The following COL28A1 variants were observed in gnomAD, a reference collection of about 807,000 sequenced individuals.
COL28A1 encodes collagen type XXVIII alpha 1 chain.
COL28A1 carries 161 observed loss-of-function variants against 150.2 expected under a neutral mutation model. That is an observed-to-expected ratio of 1.07 (90% CI 0.94 to 1.22). The LOEUF is 1.22. Among genes scored for constraint, COL28A1 ranks in the 50% most tolerant of loss-of-function variants. The pLI is 0.00. For missense variants in COL28A1, 1,617 were observed against 1,388.3 expected (o/e 1.16, Z -2.62); for synonymous variants, 552 against 469.7 (o/e 1.18, Z -2.26).
intron 23 of COL28A1, among the ~76,000 whole-genome samples, chr7:7,434,788 T>G (rs758016954): frequency 2.6e-5 from 4 of 152,220 alleles, no homozygotes; most frequent in Non-Finnish European, 5.9e-5. Context: ...TAGATGGAAT[T>G]TTGCCACTTG....
chr7:7,472,423 G>C (rs916395912), intron 15 of COL28A1, among the ~76,000 whole-genome samples: 13 of 150,486 alleles, frequency 8.6e-5, no homozygotes, highest in African/African-American at 2.9e-4. Flanking sequence ...TTTTACAATA[G>C]CTGCAAAAAA....
At chr7:7,397,802 A>C (rs1028414098) in intron 27 of COL28A1, among the ~76,000 whole-genome samples, 11 of 152,206 alleles carry the variant, frequency 7.2e-5, no homozygotes, top group African/African-American at 2.7e-4. Flanking sequence ...CAAATTGGGC[A>C]TAAGAGTGAG....
In COL28A1 at chr7:7,444,455, G is replaced by C. The variant is rs79817423; in HGVS notation, c.1544C>G (p.Pro515Arg). 2 of 1,613,918 alleles carry C rather than the reference G, an allele frequency of 1.2e-6. No homozygotes were observed. The highest frequency in any genetic ancestry group is 1.7e-6 in the Non-Finnish European group (2 of 1,179,958). Residue 515 changes from proline to arginine, a missense_variant, in exon 19 of 35, where the codon CCA becomes CGA. Pro to Arg is a moderately radical substitution (Grantham distance 103). Transcript: ENST00000399429. ...AGCTCCATCTTCTCCTGGTACTCCT[G>C]GTTGTCCTGGGAGCCCTATTGAGCC... ...EPGSIGLPGQ[P>R]GVPGEDGAAG...
intron 13 of COL28A1, among the ~76,000 whole-genome samples, chr7:7,479,723 CTAGGA>C (rs1034404371): frequency 6.6e-6 from 1 of 152,110 alleles, no homozygotes; most frequent in Admixed American, 6.5e-5. Context: ...CAAAAAGCCA[CTAGGA>C]AAGATGACTT....
At chr7:7,532,940 C>T in intron 1 of COL28A1, 28 bp from the exon 2 acceptor site, 1 of 1,471,988 alleles carries the variant, frequency 6.8e-7, no homozygotes, top group Non-Finnish European at 9.0e-7. Context: ...GTTACAAATA[C>T]TTTAATAAAA....
intron 27 of COL28A1, among the ~76,000 whole-genome samples, chr7:7,404,045 G>C (rs1195012487): frequency 6.6e-6 from 1 of 152,122 alleles, no homozygotes; most frequent in Non-Finnish European, 1.5e-5. Context: ...CAGCCCAAGA[G>C]TCACAGTCAT....
the COL28A1 span, among the ~76,000 whole-genome samples, chr7:7,341,376 CTCAT>C: frequency 1.3e-5 from 2 of 151,896 alleles, no homozygotes; most frequent in Admixed American, 6.6e-5. Flanking sequence ...CTTTTATCAT[CTCAT>C]TATTTTCTTT....
intron 25 of COL28A1, among the ~76,000 whole-genome samples, chr7:7,420,859 G>C (rs1784357540): frequency 1.3e-5 from 2 of 149,416 alleles, no homozygotes; most frequent in Non-Finnish European, 2.9e-5. Context: ...CAGCTATTAA[G>C]GTGCAGGGCT....
At chr7:7,457,244 G>C (rs1787241358) in intron 15 of COL28A1, among the ~76,000 whole-genome samples, 1 of 152,178 alleles carries the variant, frequency 6.6e-6, no homozygotes, top group African/African-American at 2.4e-5. Context: ...GCCCCATCTG[G>C]AAGCTGTATG....
intron 13 of COL28A1, among the ~76,000 whole-genome samples, chr7:7,481,670 C>T (rs553482478): frequency 2.0e-5 from 3 of 152,218 alleles, no homozygotes; most frequent in East Asian, 1.9e-4. Flanking sequence ...GAGACATTAA[C>T]GATGAGATGA....
Position 7,444,588 on chromosome 7 carries a change from G to A in COL28A1, c.1510-99C>T, listed in dbSNP as rs187739215. On this transcript the variant is annotated intron_variant, in intron 18 of 34. Transcript: ENST00000399429. ...CTTACAGTGTCTGAGAAAAGCCTCC[G>A]AGAAATCTCATTAGCAATTAATACT... 131 of 1,174,156 alleles carry A rather than the reference G, an allele frequency of 1.1e-4. No individual in the cohort carries two copies. In the East Asian group the frequency reaches 2.8e-3, roughly 25 times the overall value. The allele number at this position is 1,174,156 out of a possible 1,614,324, so 72.7% of individuals were successfully genotyped here. A position where few individuals can be genotyped will look rare whatever the true frequency, so the allele number is the denominator to read the frequency against.
intron 25 of COL28A1, chr7:7,431,519 G>A (rs1452502330): frequency 4.2e-6 from 2 of 471,098 alleles, no homozygotes; most frequent in Admixed American, 4.7e-5. Flanking sequence ...ATCCTGGCGA[G>A]TCCCTGATGC....
At chr7:7,453,585 A>T in intron 16 of COL28A1, 77 bp from the exon 17 acceptor site, 1 of 767,414 alleles carries the variant, frequency 1.3e-6, no homozygotes, top group African/African-American at 1.8e-5. Flanking sequence ...ACTTTAGTTC[A>T]TACCCCATAA....
At chr7:7,400,975 G>GGTGTGTGTGTGTGTGTGTGTGT (rs60064708) in intron 27 of COL28A1, among the ~76,000 whole-genome samples, 5 of 119,128 alleles carry the variant, frequency 4.2e-5, no homozygotes, top group African/African-American at 1.0e-4. Flanking sequence ...TGGGTATTTG[G>GGTGTGTGTGTGTGTGTGTGTGT]GTGTGTGTGT....
At chr7:7,346,593 A>G in the COL28A1 span, among the ~76,000 whole-genome samples, 1 of 152,052 alleles carries the variant, frequency 6.6e-6, no homozygotes, top group African/African-American at 2.4e-5. Context: ...TAATATGTTC[A>G]TGTCTATTTT....
intron 27 of COL28A1, among the ~76,000 whole-genome samples, chr7:7,385,296 C>G (rs773678085): frequency 1.3e-5 from 2 of 152,000 alleles, no homozygotes; most frequent in African/African-American, 4.8e-5. Flanking sequence ...TGCGTCAGAC[C>G]GCTGTACCTA....
chr7:7,361,629 A>G (rs567174597), intron 33 of COL28A1, among the ~76,000 whole-genome samples: 7 of 152,196 alleles, frequency 4.6e-5, no homozygotes, highest in Non-Finnish European at 8.8e-5. Context: ...TTGGCTGCAT[A>G]AATGTCTTCT....
intron 20 of COL28A1, 94 bp downstream of exon 20, chr7:7,443,490 CA>C (rs1164730383): frequency 6.4e-6 from 10 of 1,554,300 alleles, no homozygotes; most frequent in African/African-American, 2.7e-5. Context: ...AACACATTGA[CA>C]TAGTAAGAAT....
intron 15 of COL28A1, among the ~76,000 whole-genome samples, chr7:7,471,426 C>G (rs1245929602): frequency 6.6e-6 from 1 of 152,168 alleles, no homozygotes; most frequent in Non-Finnish European, 1.5e-5. Context: ...AAAGAGAAAA[C>G]TACAGACCAA....
Sources: gnomAD v4.1 joint callset for allele counts (sites outside exome capture counted in the v4.1 genomes callset) on GRCh38, gnomAD v4.1.1 for gene constraint, MANE v1.5 for transcripts, NCBI Gene and HGNC (gene_info 2026-07-23, HGNC 2026-07-21) for gene names.